The following ARAP2 variants were observed in gnomAD, a reference collection of about 807,000 sequenced individuals.
ARAP2 encodes the protein arf-GAP with Rho-GAP domain, ANK repeat and PH domain-containing protein 2.
A neutral mutation model predicts 194.5 loss-of-function variants in ARAP2; 148 were observed. The ratio of observed to expected loss-of-function variants is 0.76; its 90% CI spans 0.67 to 0.87. The LOEUF is 0.87. Ranked by LOEUF, ARAP2 falls within the 40% of genes least tolerant of loss-of-function variation. The pLI, the probability that ARAP2 is intolerant of heterozygous loss-of-function variation, is 0.00. For missense variants in ARAP2, 2,128 were observed against 1,989.7 expected, an observed-to-expected ratio of 1.07 and a Z score of -1.32; for synonymous variants, 695 against 683.5, an observed-to-expected ratio of 1.02 and a Z score of -0.26.
At chr4:36,083,285 T>G in intron 29 of ARAP2, 83 bp downstream of exon 29, 3 of 986,134 alleles carry the variant, frequency 3.0e-6, no homozygotes, top group East Asian at 5.2e-5. Flanking sequence ...AAAGTTAGAC[T>G]AATGCCACTG....
intron 19 of ARAP2, among the ~76,000 whole-genome samples, chr4:36,139,589 T>TTTA (rs1458847179): frequency 6.6e-6 from 1 of 151,630 alleles, no homozygotes; most frequent in Non-Finnish European, 1.5e-5. Context: ...TTTGCTCTTT[T>TTTA]TTAGATTTTT....
At chr4:36,214,533 T>G in intron 2 of ARAP2, 53 bp from the exon 3 acceptor site, 1 of 1,183,640 alleles carries the variant, frequency 8.4e-7, no homozygotes, top group South Asian at 1.6e-5. Context: ...ATGATATTTA[T>G]GAGTAAAATT....
intron 6 of ARAP2, among the ~76,000 whole-genome samples, chr4:36,195,053 C>T (rs896304755): frequency 6.6e-6 from 1 of 151,874 alleles, no homozygotes; most frequent in Non-Finnish European, 1.5e-5. Flanking sequence ...GTTGTCCAAG[C>T]TATTTGGAAG....
chr4:36,027,123 A>G (rs1227669525), intron 5 of ARAP2, among the ~76,000 whole-genome samples: 1 of 152,160 alleles, frequency 6.6e-6, no homozygotes, highest in Non-Finnish European at 1.5e-5. Context: ...GGATAATGAT[A>G]TATCATATTT....
intron 19 of ARAP2, among the ~76,000 whole-genome samples, chr4:36,137,823 T>G (rs1358602541): frequency 1.3e-5 from 2 of 151,798 alleles, no homozygotes; most frequent in Non-Finnish European, 2.9e-5. Flanking sequence ...CCAAAAATAC[T>G]TATTCCAGAA....
intron 6 of ARAP2, among the ~76,000 whole-genome samples, chr4:36,017,564 T>TA (rs71199694): frequency 0.044 from 1,886 of 42,526 alleles, 200 homozygotes; most frequent in South Asian, 0.079. Flanking sequence ...AAGAAAGTGG[T>TA]AAAAAAAAAA....
intron 21 of ARAP2, among the ~76,000 whole-genome samples, chr4:36,126,387 A>C (rs909729913): frequency 1.3e-5 from 2 of 152,048 alleles, no homozygotes; most frequent in African/African-American, 4.8e-5. Flanking sequence ...ATAAATTGAA[A>C]GTAAAACTCA....
intron 10 of ARAP2, among the ~76,000 whole-genome samples, chr4:36,165,522 T>C (rs1735081716): frequency 6.6e-6 from 1 of 152,100 alleles, no homozygotes. Context: ...AACTATGTTA[T>C]CAAAAACACC....
chr4:36,168,228 C>T (rs549010560), intron 9 of ARAP2, among the ~76,000 whole-genome samples: 3 of 152,194 alleles, frequency 2.0e-5, no homozygotes, highest in East Asian at 1.9e-4. Context: ...GAGGAGGGGC[C>T]GAAAAGCCTT....
At chr4:36,013,961 G>A (rs1270721991) in intron 8 of ARAP2, among the ~76,000 whole-genome samples, 4 of 151,992 alleles carry the variant, frequency 2.6e-5, no homozygotes, top group African/African-American at 4.8e-5. Context: ...GGCTGAGCAC[G>A]GTGGCTCACG....
Position 36,048,651 on chromosome 4 carries a change from T to C in ARAP2, n.370-1802A>G, listed in dbSNP as rs138721710. 2.8e-3 allele frequency among the ~76,000 whole-genome samples: 429 copies of C among 152,264 alleles called. 1 individual carries two copies. Among genetic ancestry groups the C allele is most frequent in the African/African-American group, 9.1e-3 (380 of 41,572 alleles). ...AATTCCATGTCTTTGCTATTGTGAA[T>C]AGTGCTGCTATGGACATAACAGGTA... On this transcript the variant is annotated intron_variant and non_coding_transcript_variant, in intron 3 of 12. Transcript: ENST00000503225.
chr4:36,204,718 C>T (rs899599030), intron 6 of ARAP2, among the ~76,000 whole-genome samples: 2 of 152,042 alleles, frequency 1.3e-5, no homozygotes, highest in African/African-American at 2.4e-5. Flanking sequence ...AGGCCGGGCA[C>T]GGTCGTTTAT....
At chr4:36,199,971 A>G (rs556507537) in intron 6 of ARAP2, among the ~76,000 whole-genome samples, 1 of 152,340 alleles carries the variant, frequency 6.6e-6, no homozygotes, top group South Asian at 2.1e-4. Flanking sequence ...TTTGAAAATC[A>G]CATCTCAATA....
intron 21 of ARAP2, 88 bp downstream of exon 21, chr4:36,128,445 T>TA (rs1322089820): frequency 9.9e-7 from 1 of 1,013,720 alleles, no homozygotes; most frequent in African/African-American, 1.6e-5. Context: ...GTCTAAGTAT[T>TA]AAAAGGCAAG....
At chr4:36,178,648 G>A (rs1175489972) in intron 8 of ARAP2, among the ~76,000 whole-genome samples, 3 of 152,128 alleles carry the variant, frequency 2.0e-5, no homozygotes, top group Non-Finnish European at 4.4e-5. Flanking sequence ...ATAGGAATTC[G>A]ATCTAGTCCC....
Position 36,181,337 on chromosome 4 carries a change from G to C in ARAP2, c.1679-3332C>G, listed in dbSNP as rs1412772339. Among the ~76,000 whole-genome samples, 3 of 152,038 alleles carry C rather than the reference G, an allele frequency of 2.0e-5. No homozygotes were observed. In the South Asian group the frequency reaches 6.2e-4, roughly 31 times the overall value. On this transcript the variant is annotated intron_variant, in intron 8 of 32. Coordinates refer to ENST00000303965, the MANE Select transcript of ARAP2 (RefSeq NM_015230.4). ...GCTAGAATGTAAATACAAAACAATA[G>C]TAAATTCCTAAAACCTCAAATTAGT...
At chr4:36,159,561 T>C in intron 13 of ARAP2, 56 bp from the exon 14 acceptor site, 1 of 1,341,912 alleles carries the variant, frequency 7.5e-7, no homozygotes, top group Non-Finnish European at 9.8e-7. Flanking sequence ...TTCTAGCTAT[T>C]AAAATGAGTG....
chr4:36,099,892 G>T (rs1245881585), intron 27 of ARAP2, among the ~76,000 whole-genome samples: 1 of 152,042 alleles, frequency 6.6e-6, no homozygotes, highest in Non-Finnish European at 1.5e-5. Flanking sequence ...AATTAATGGA[G>T]GGAGGACATA....
At chr4:36,244,039 G>T (rs921225630) in intron 1 of ARAP2, 140 bp downstream of exon 1, 2 of 152,264 alleles carry the variant, frequency 1.3e-5, no homozygotes, top group Non-Finnish European at 1.5e-5. Flanking sequence ...AATCCAAGGG[G>T]CGGACACCAG....
Sources: allele counts gnomAD v4.1 joint callset (sites outside exome capture counted in the v4.1 genomes callset), GRCh38; gene constraint gnomAD v4.1.1; transcripts MANE v1.5; gene names NCBI Gene and HGNC (gene_info 2026-07-23, HGNC 2026-07-21).